The following UBL3 variants were observed in gnomAD, a reference collection of about 807,000 sequenced individuals.
UBL3 encodes ubiquitin-like protein 3.
UBL3 carries 6 observed loss-of-function variants against 18.4 expected under a neutral mutation model. The observed-to-expected ratio is 0.33, with a 90% CI of 0.18 to 0.64. UBL3 has a LOEUF of 0.64. UBL3 is among the 30% of genes least tolerant of loss of function. UBL3 has a pLI of 0.76. For missense variants in UBL3, 109 were observed against 142.9 expected (o/e 0.76, Z 1.21); for synonymous variants, 49 against 46.6 (o/e 1.05, Z -0.21).
intron 1 of UBL3, among the ~76,000 whole-genome samples, chr13:29,796,050 G>A (rs990510500): frequency 6.6e-6 from 1 of 151,852 alleles, no homozygotes; most frequent in Non-Finnish European, 1.5e-5. Context: ...GAGAACAGAA[G>A]ATAAAACTTG....
At chr13:29,804,647 A>T (rs998058525) in intron 1 of UBL3, among the ~76,000 whole-genome samples, 1 of 152,200 alleles carries the variant, frequency 6.6e-6, no homozygotes, top group South Asian at 2.1e-4. Flanking sequence ...TACAAAAAAA[A>T]TCCTGGGAGA....
chr13:29,835,145 T>A (rs185821125), intron 1 of UBL3, among the ~76,000 whole-genome samples: 158 of 14,228 alleles, frequency 0.011, 9 homozygotes, highest in Non-Finnish European at 0.017. Context: ...TATATATATA[T>A]ATATATATAT....
In UBL3 at chr13:29,835,125, AATATATATATATATAT is replaced by A. The variant is rs59643985; in HGVS notation, c.27+14371_27+14386del. ...ATATATAAATATATATATATATATAAATATATATATATATATATATATATATATATATATATATATA... is the reference window on the plus strand; with the variant it reads ...ATATATAAATATATATATATATATAAATATATATATATATATATATATATA... On this transcript the variant is annotated intron_variant, in intron 1 of 4. Transcript: ENST00000380680. Among the ~76,000 whole-genome samples, 158 of 23,352 alleles carry A rather than the reference AATATATATATATATAT, an allele frequency of 6.8e-3. 1 individual carries two copies. Among genetic ancestry groups the A allele is most frequent in the Admixed American group, 9.0e-3 (14 of 1,550 alleles). The allele number at this position is 23,352 out of a possible 152,430, so 15.3% of individuals were successfully genotyped here. A position where few individuals can be genotyped will look rare whatever the true frequency, so the allele number is the denominator to read the frequency against.
chr13:29,850,188 G>A lies in UBL3; in HGVS notation c.-650C>T, dbSNP rs1349904772. ...CTCAAGGGCATTTAACTAGTTGGAA[G>A]CCAAAGCGAAAGACCGGAGCGGGGG... On this transcript the variant is annotated 5_prime_UTR_variant, in exon 1 of 5. Coordinates refer to ENST00000380680, the MANE Select transcript of UBL3 (RefSeq NM_007106.4). 1 of 152,634 alleles carries A rather than the reference G, an allele frequency of 6.6e-6. No individual in the cohort carries two copies. The highest frequency in any genetic ancestry group is 2.4e-5 in the African/African-American group (1 of 41,466). The allele number at this position is 152,634 out of a possible 1,614,324, so 9.5% of individuals were successfully genotyped here. A position where few individuals can be genotyped will look rare whatever the true frequency, so the allele number is the denominator to read the frequency against.
At chr13:29,848,229 A>AG (rs1186084162) in intron 1 of UBL3, among the ~76,000 whole-genome samples, 2 of 134,960 alleles carry the variant, frequency 1.5e-5, no homozygotes, top group Non-Finnish European at 3.1e-5. Context: ...GGATCATCTG[A>AG]GGTCAGGAGT....
In UBL3 at chr13:29,791,258, C is replaced by T. The variant is rs370767678; in HGVS notation, c.28-13995G>A. Among the ~76,000 whole-genome samples, 69 of 152,282 alleles carry T rather than the reference C, an allele frequency of 4.5e-4. 2 individuals carry two copies. The highest frequency in any genetic ancestry group is 1.5e-3 in the African/African-American group (64 of 41,564). On this transcript the variant is annotated intron_variant, in intron 1 of 4. Transcript: ENST00000380680. ...TGTCAGTTTCTCAGCCCAATCCATC[C>T]TGTACTCTCAAAAACATTCTTAAAA...
intron 1 of UBL3, among the ~76,000 whole-genome samples, chr13:29,788,959 G>A (rs1877414299): frequency 6.6e-6 from 1 of 151,050 alleles, no homozygotes; most frequent in Admixed American, 6.6e-5. Context: ...GAGTGTAACG[G>A]CGCAATCTCG....
chr13:29,809,769 C>T (rs1877991514), intron 1 of UBL3, among the ~76,000 whole-genome samples: 5 of 152,084 alleles, frequency 3.3e-5, no homozygotes, highest in South Asian at 2.1e-4. Flanking sequence ...TTCTGACCCC[C>T]GCCCACAGAT....
At chr13:29,792,483 G>C (rs1877506969) in intron 1 of UBL3, among the ~76,000 whole-genome samples, 1 of 152,152 alleles carries the variant, frequency 6.6e-6, no homozygotes, top group African/African-American at 2.4e-5. Flanking sequence ...AAAAGTGATA[G>C]CAAGCTCTCC....
chr13:29,788,531 C>T (rs749927165), intron 1 of UBL3, among the ~76,000 whole-genome samples: 1 of 152,160 alleles, frequency 6.6e-6, no homozygotes, highest in Non-Finnish European at 1.5e-5. Flanking sequence ...CACCCCAAAA[C>T]ACCCTCTCAA....
intron 1 of UBL3, 150 bp downstream of exon 1, chr13:29,849,362 G>A: frequency 1.0e-6 from 1 of 992,998 alleles, no homozygotes; most frequent in Non-Finnish European, 1.5e-6. Flanking sequence ...CTAAAAGGGG[G>A]AAACCAGAAG....
chr13:29,835,753 C>CA (rs34271187), intron 1 of UBL3, among the ~76,000 whole-genome samples: 3,016 of 37,046 alleles, frequency 0.081, 469 homozygotes, highest in Middle Eastern at 0.14. Flanking sequence ...GACGCTGTCT[C>CA]AAAAAAAAAA....
At chr13:29,772,850 CAAAG>C (rs1230374181) in intron 2 of UBL3, among the ~76,000 whole-genome samples, 1 of 151,658 alleles carries the variant, frequency 6.6e-6, no homozygotes, top group East Asian at 1.9e-4. Flanking sequence ...AGTGTACACA[CAAAG>C]AAAATAAGAC....
intron 1 of UBL3, among the ~76,000 whole-genome samples, chr13:29,795,493 G>A (rs1458952987): frequency 6.6e-6 from 1 of 151,564 alleles, no homozygotes; most frequent in Admixed American, 6.6e-5. Context: ...AGTAACATTA[G>A]TGACTAACAT....
chr13:29,767,171 G>C lies in UBL3; in HGVS notation c.*84C>G, dbSNP rs555502751. 53 of 1,480,676 alleles carry C rather than the reference G, an allele frequency of 3.6e-5. No homozygotes were observed. The East Asian group carries it at 7.7e-4, about 22-fold the overall frequency. 91.7% of individuals were successfully genotyped at this position (1,480,676 alleles called of 1,614,324 possible). ...TGTTTACAGGCAGACTGTTCTGAAC[G>C]GTTTCTGAAGCAATGTCGGGTCTTT... is the stretch of plus-strand genomic sequence containing the variant. On this transcript the variant is annotated 3_prime_UTR_variant, in exon 5 of 5. Transcript: ENST00000380680.
chr13:29,837,371 A>G (rs376882155), intron 1 of UBL3, among the ~76,000 whole-genome samples: 2 of 152,212 alleles, frequency 1.3e-5, no homozygotes, highest in Admixed American at 6.5e-5. Flanking sequence ...AAAAAATACA[A>G]AAACTAAAAT....
intron 1 of UBL3, among the ~76,000 whole-genome samples, chr13:29,796,671 T>C (rs976323448): frequency 1.3e-5 from 2 of 152,142 alleles, no homozygotes; most frequent in African/African-American, 4.8e-5. Context: ...ATTTAGTCAT[T>C]AGGAAAATAA....
intron 1 of UBL3, among the ~76,000 whole-genome samples, chr13:29,830,935 C>T (rs1359094283): frequency 6.6e-6 from 1 of 152,180 alleles, no homozygotes; most frequent in Non-Finnish European, 1.5e-5. Context: ...CCAAATTATA[C>T]AATATTCCTC....
chr13:29,833,252 A>G (rs1234740658), intron 1 of UBL3, among the ~76,000 whole-genome samples: 1 of 150,778 alleles, frequency 6.6e-6, no homozygotes, highest in Non-Finnish European at 1.5e-5. Flanking sequence ...ACCGCAGTGG[A>G]TGACTAAAAT....
Sources: gnomAD v4.1 joint callset for allele counts (sites outside exome capture counted in the v4.1 genomes callset) on GRCh38, gnomAD v4.1.1 for gene constraint, MANE v1.5 for transcripts, NCBI Gene and HGNC (gene_info 2026-07-23, HGNC 2026-07-21) for gene names.